NCOA2: variants seen among roughly 807,000 people sequenced by gnomAD.
NCOA2 encodes class E basic helix-loop-helix protein 75.
NCOA2 carries 21 observed loss-of-function variants against 145.1 expected under a neutral mutation model. The observed-to-expected ratio is 0.14, with a 90% CI of 0.10 to 0.21. NCOA2 has a LOEUF of 0.21. Ranked by LOEUF, NCOA2 falls within the 10% of genes least tolerant of loss-of-function variation. The pLI is 1.00. For missense variants in NCOA2, 1,472 were observed against 1,837.6 expected (o/e 0.80, Z 3.64); for synonymous variants, 619 against 637.5 (o/e 0.97, Z 0.44).
rs35616715 is a variant in NCOA2 at position 70,328,382 on chromosome 8, GTGACA to G, written c.-76-31587_-76-31583del. Among the ~76,000 whole-genome samples the G allele has an allele frequency of 3.6e-3, 543 of 152,264 alleles. 4 individuals carry two copies. The highest frequency in any genetic ancestry group is 0.013 in the African/African-American group (523 of 41,564). On this transcript the variant is annotated intron_variant, in intron 1 of 22. Transcript: ENST00000452400. The stretch of plus-strand genomic sequence containing the variant: ...TTGTATGTTTCTACGCAATAAGTTT[GTGACA>G]TTCTTGGGTACAATTTTTCTTGTCC...
At chr8:70,424,498 G>A in the NCOA2 span, 2 of 527,472 alleles carry the variant, frequency 3.8e-6, no homozygotes, top group Admixed American at 3.9e-5. Flanking sequence ...GATGGCAAAG[G>A]CTATTTTCTG....
intron 2 of NCOA2, among the ~76,000 whole-genome samples, chr8:70,256,025 C>T (rs1823608019): frequency 6.6e-6 from 1 of 152,202 alleles, no homozygotes; most frequent in African/African-American, 2.4e-5. Context: ...ATGTAATAAG[C>T]TCTGTGGTTC....
intron 1 of NCOA2, among the ~76,000 whole-genome samples, chr8:70,390,370 G>A (rs1191814979): frequency 6.6e-6 from 1 of 152,182 alleles, no homozygotes; most frequent in Non-Finnish European, 1.5e-5. Flanking sequence ...GTGTTTTTCT[G>A]GAGTTATTCA....
chr8:70,244,787 C>G (rs1305697445), intron 2 of NCOA2, among the ~76,000 whole-genome samples: 1 of 152,030 alleles, frequency 6.6e-6, no homozygotes, highest in Non-Finnish European at 1.5e-5. Context: ...CATAAAGAAA[C>G]TACAAGGAAT....
chr8:70,155,717 A>G (rs1812203626), intron 11 of NCOA2, among the ~76,000 whole-genome samples: 2 of 152,228 alleles, frequency 1.3e-5, no homozygotes, highest in Admixed American at 1.3e-4. Context: ...GACAGAGACT[A>G]TATGGCCTGC....
At position 70,301,912 on chromosome 8, in the gene NCOA2, T is replaced by A. The variant is rs551728234; in HGVS notation, c.-76-5112A>T. ...GAAGAAAAAGCTAAGGAAGAACTGC[T>A]CAAATTACTTAAGATTTTTCAATAG... On this transcript the variant is annotated intron_variant, in intron 1 of 22. Transcript: ENST00000452400. Among the ~76,000 whole-genome samples, 4 of 152,130 alleles carry A rather than the reference T, an allele frequency of 2.6e-5. No homozygotes were observed. In the South Asian group the frequency reaches 8.3e-4, roughly 32 times the overall value.
intron 4 of NCOA2, among the ~76,000 whole-genome samples, chr8:70,187,928 A>G (rs1204840348): frequency 1.3e-5 from 2 of 152,204 alleles, no homozygotes; most frequent in African/African-American, 4.8e-5. Flanking sequence ...GTTCTACCCA[A>G]TGGCATTTTT....
intron 1 of NCOA2, among the ~76,000 whole-genome samples, chr8:70,371,089 C>T (rs1035804495): frequency 2.6e-5 from 4 of 152,038 alleles, no homozygotes; most frequent in Non-Finnish European, 5.9e-5. Context: ...AGATCAAGAC[C>T]ATCCTGGCTA....
chr8:70,292,640 A>G (rs1213277605), intron 2 of NCOA2, among the ~76,000 whole-genome samples: 1 of 152,198 alleles, frequency 6.6e-6, no homozygotes, highest in East Asian at 1.9e-4. Context: ...TGGATAGATA[A>G]TCCTTTTTAA....
At chr8:70,125,070 C>T (rs950417158) in intron 19 of NCOA2, among the ~76,000 whole-genome samples, 3 of 152,032 alleles carry the variant, frequency 2.0e-5, no homozygotes, top group Non-Finnish European at 4.4e-5. Flanking sequence ...CATACTGATT[C>T]CCCTTAGTAG....
intron 4 of NCOA2, among the ~76,000 whole-genome samples, chr8:70,195,375 C>T (rs1317194683): frequency 6.6e-6 from 1 of 152,154 alleles, no homozygotes; most frequent in Non-Finnish European, 1.5e-5. Context: ...CAAATTTCTT[C>T]TTCTGAGAAC....
At chr8:70,304,851 A>C (rs1291921851) in intron 1 of NCOA2, among the ~76,000 whole-genome samples, 1 of 144,802 alleles carries the variant, frequency 6.9e-6, no homozygotes, top group Non-Finnish European at 1.5e-5. Context: ...ACCAGAAGTA[A>C]CTAGCTTTTT....
chr8:70,287,977 A>T (rs1393655330), intron 2 of NCOA2, among the ~76,000 whole-genome samples: 1 of 152,150 alleles, frequency 6.6e-6, no homozygotes, highest in Non-Finnish European at 1.5e-5. Context: ...CACAAGCCAA[A>T]AACTGCAAAT....
intron 1 of NCOA2, among the ~76,000 whole-genome samples, chr8:70,317,489 C>T (rs1029224546): frequency 2.6e-5 from 4 of 152,086 alleles, no homozygotes; most frequent in Admixed American, 6.5e-5. Flanking sequence ...TTTGAGAGAT[C>T]CAATATTCAA....
intron 4 of NCOA2, among the ~76,000 whole-genome samples, chr8:70,181,559 T>C (rs1815480877): frequency 6.6e-6 from 1 of 152,212 alleles, no homozygotes; most frequent in Non-Finnish European, 1.5e-5. Context: ...TATCTTTCTG[T>C]TTGGTCAAGC....
chr8:70,156,373 T>C lies in NCOA2; in HGVS notation c.1992A>G (p.Thr664=), dbSNP rs906934347. Residue 664 remains threonine, a synonymous_variant, in exon 11 of 23, where the codon ACA becomes ACG. Transcript: ENST00000452400. ...PSPLASSLSD[T]NKDSTGSLPG... is the part of the protein sequence containing the mutation. ...GCAAGCTACCTGTGGAGTCTTTGTTTGTATCCGACAAAGAGCTGGCTAAGG... is the reference window on the plus strand; with the variant it reads ...GCAAGCTACCTGTGGAGTCTTTGTTCGTATCCGACAAAGAGCTGGCTAAGG... 2 of 1,613,982 alleles carry C rather than the reference T, an allele frequency of 1.2e-6. No individual in the cohort carries two copies. The highest frequency in any genetic ancestry group is 1.7e-6 in the Non-Finnish European group (2 of 1,179,884).
intron 4 of NCOA2, among the ~76,000 whole-genome samples, chr8:70,177,678 T>C (rs866469350): frequency 6.6e-6 from 1 of 152,198 alleles, no homozygotes; most frequent in South Asian, 2.1e-4. Context: ...TCTCATATTC[T>C]CTCAGGATCC....
intron 2 of NCOA2, among the ~76,000 whole-genome samples, chr8:70,253,871 G>A (rs1224082086): frequency 6.6e-6 from 1 of 152,020 alleles, no homozygotes; most frequent in Non-Finnish European, 1.5e-5. Flanking sequence ...CCAAAAGCAT[G>A]GGCAATAAAA....
chr8:70,164,352 C>G (rs1007697642), intron 7 of NCOA2, among the ~76,000 whole-genome samples: 2 of 152,184 alleles, frequency 1.3e-5, no homozygotes, highest in Non-Finnish European at 1.5e-5. Flanking sequence ...AAACACTGGA[C>G]AAATGCTGTT....
Sources: gnomAD v4.1 joint callset for allele counts (sites outside exome capture counted in the v4.1 genomes callset) on GRCh38, gnomAD v4.1.1 for gene constraint, MANE v1.5 for transcripts, NCBI Gene and HGNC (gene_info 2026-07-23, HGNC 2026-07-21) for gene names.